Variants in GPR143 observed in about 807,000 individuals in gnomAD.
GPR143 encodes G-protein coupled receptor 143.
GPR143 carries 8 observed loss-of-function variants against 27.6 expected under a neutral mutation model. That is an observed-to-expected ratio of 0.29 (90% CI 0.17 to 0.52). GPR143 has a LOEUF of 0.52. Among genes scored for constraint, GPR143 ranks in the 20% least tolerant of loss-of-function variants. The pLI is 0.96. For synonymous variants in GPR143, 156 were observed against 153.2 expected, an observed-to-expected ratio of 1.02 and a Z score of -0.13; for missense variants, 303 against 343.1, an observed-to-expected ratio of 0.88 and a Z score of 0.92.
In GPR143 at chrX:9,731,325, T is replaced by G. The variant is rs1340890936; in HGVS notation, c.1121-5485A>C. On this transcript the variant is annotated intron_variant, in intron 8 of 8. Transcript: ENST00000467482. Reference sequence around the variant, plus strand: ...CAGAGGTTGCAGTGAGCTGAAATCATGCTACTGCACTCCAGCCTGGGCAAC... The same window carrying G: ...CAGAGGTTGCAGTGAGCTGAAATCAGGCTACTGCACTCCAGCCTGGGCAAC... 3.7e-5 allele frequency among the ~76,000 whole-genome samples: 4 copies of G among 108,526 alleles called. No individual in the cohort carries two copies. In the East Asian group the frequency reaches 1.1e-3, roughly 31 times the overall value. The allele number at this position is 108,526 out of a possible 115,157, so 94.2% of individuals were successfully genotyped here. A position where few individuals can be genotyped will look rare whatever the true frequency, so the allele number is the denominator to read the frequency against.
chrX:9,725,980 CAAAAAAAAAAAAAA>C lies in GPR143; in HGVS notation c.1121-154_1121-141del, dbSNP rs35066814. Reference sequence around the variant, plus strand: ...AAAGTCCTAGCATTCATCTCATCTGCAAAAAAAAAAAAAAAAAAAAAAAAAGGTGGGAGGGGTGG... The same window carrying C: ...AAAGTCCTAGCATTCATCTCATCTGCAAAAAAAAAAAGGTGGGAGGGGTGG... On this transcript the variant is annotated intron_variant, in intron 8 of 8. Coordinates refer to ENST00000467482, the MANE Select transcript of GPR143 (RefSeq NM_000273.3). The C allele has an allele frequency of 3.1e-5, 11 of 355,027 alleles. 2 individuals are homozygous for C. In the African/African-American group the frequency reaches 3.7e-4, roughly 12 times the overall value. The allele number at this position is 355,027 out of a possible 1,213,427, so 29.3% of individuals were successfully genotyped here.
chrX:9,746,205 A>C, intron 4 of GPR143, 52 bp from the exon 5 acceptor site: 1 of 714,439 alleles, frequency 1.4e-6, no homozygotes, highest in African/African-American at 2.1e-5. Context: ...TTTTGGCTAA[A>C]AGACATCTAC....
chrX:9,730,042 A>G (rs1040115599), intron 8 of GPR143, among the ~76,000 whole-genome samples: 1 of 112,723 alleles, frequency 8.9e-6, no homozygotes, highest in African/African-American at 3.2e-5. Context: ...GTGCAGTAAC[A>G]TGCTTTACAG....
chrX:9,725,896 C>G, intron 8 of GPR143, 56 bp from the exon 9 acceptor site: 1 of 1,116,126 alleles, frequency 9.0e-7, no homozygotes, highest in Non-Finnish European at 1.2e-6. Context: ...GGTTTGTCAT[C>G]AGCTTCAGAA....
intron 1 of GPR143, among the ~76,000 whole-genome samples, chrX:9,765,218 G>T (rs2083524457): frequency 9.0e-6 from 1 of 111,403 alleles, no homozygotes; most frequent in Non-Finnish European, 1.9e-5. Flanking sequence ...CCTCACCCGG[G>T]CATCGATCCG....
rs752477509 is a variant in GPR143, at chrX:9,771,709, C to CTTTTTTT, written c.-2-10884_-2-10883insAAAAAAA. 2.4e-4 allele frequency among the ~76,000 whole-genome samples: 22 copies of CTTTTTTT among 92,807 alleles called. 4 individuals carry two copies. Among genetic ancestry groups the CTTTTTTT allele is most frequent in the East Asian group, 3.4e-4 (1 of 2,981 alleles). The allele number at this position is 92,807 out of a possible 115,157, so 80.6% of individuals were successfully genotyped here. A position where few individuals can be genotyped will look rare whatever the true frequency, so the allele number is the denominator to read the frequency against. On this transcript the variant is annotated intron_variant, in intron 1 of 7. Coordinates refer to the GPR143 transcript ENST00000447366. ...CCAACTAAGCCATGGAGCATTCTCTCTCTTTTTTTTTTTTTTTTGGATGGA... is the reference window on the plus strand; with the variant it reads ...CCAACTAAGCCATGGAGCATTCTCTCTTTTTTTTCTTTTTTTTTTTTTTTTGGATGGA...
At chrX:9,730,433 T>TTGA (rs58605612) in intron 8 of GPR143, among the ~76,000 whole-genome samples, 19,231 of 96,497 alleles carry the variant, frequency 0.2, 2,949 homozygotes, top group East Asian at 0.45. Context: ...GCAACTACAG[T>TTGA]TGATGAAGAC....
At chrX:9,763,201 G>A (rs1327218118) in intron 1 of GPR143, among the ~76,000 whole-genome samples, 1 of 110,659 alleles carries the variant, frequency 9.0e-6, no homozygotes. Flanking sequence ...AGCCTCCTGA[G>A]TAGTTAGGAT....
intron 1 of GPR143, among the ~76,000 whole-genome samples, chrX:9,764,080 C>A (rs1475078153): frequency 1.8e-5 from 2 of 111,688 alleles, no homozygotes; most frequent in Admixed American, 9.5e-5. Context: ...GGGTGGTGAT[C>A]TTTTAATTAA....
intron 5 of GPR143, 23 bp from the exon 6 acceptor site, chrX:9,743,696 T>A (rs1361784541): frequency 1.2e-6 from 1 of 866,445 alleles, no homozygotes; most frequent in Non-Finnish European, 1.7e-6. Context: ...GAAGGAACTA[T>A]GTATGGTGTT....
In GPR143 at chrX:9,765,804, C is replaced by A. The variant is rs1273163658; in HGVS notation, c.14G>T (p.Arg5Leu). The A allele has an allele frequency of 1.8e-6, 2 of 1,116,349 alleles. No individual in the cohort carries two copies. Among genetic ancestry groups the A allele is most frequent in the Non-Finnish European group, 1.2e-6 (1 of 852,761 alleles). 92.0% of individuals were successfully genotyped at this position (1,116,349 alleles called of 1,213,427 possible). A position where few individuals can be genotyped will look rare whatever the true frequency, so the allele number is the denominator to read the frequency against. Residue 5 changes from arginine (R) to leucine (L), a missense_variant, in exon 1 of 9, where the codon CGC becomes CTC. Transcript: ENST00000467482. The part of the protein sequence containing the change: MASP[R>L]LGTFCCPTRD... ...CGTGGGGCAGCAGAAGGTCCCTAGG[C>A]GCGGGGAGGCCATGGGCTGTGTTCG...
chrX:9,739,390 C>T lies in GPR143; in HGVS notation c.1120+95G>A, dbSNP rs375559249. The T allele has an allele frequency of 8.1e-5, 48 of 594,842 alleles. No homozygotes were observed. The East Asian group carries it at 1.5e-3, about 19-fold the overall frequency. The allele number at this position is 594,842 out of a possible 1,213,427, so 49.0% of individuals were successfully genotyped here. A position where few individuals can be genotyped will look rare whatever the true frequency, so the allele number is the denominator to read the frequency against. On this transcript the variant is annotated intron_variant, in intron 8 of 8. Transcript: ENST00000467482. ...AGGTGCTGCTGAACACCCCGCCATGCACAGGACAGCCCCCGGGACAAAGAA... is the reference window on the plus strand; with the variant it reads ...AGGTGCTGCTGAACACCCCGCCATGTACAGGACAGCCCCCGGGACAAAGAA...
At chrX:9,769,173 T>C (rs2083545137), upstream of GPR143, among the ~76,000 whole-genome samples, 1 of 111,727 alleles carries the variant, frequency 9.0e-6, no homozygotes, top group South Asian at 3.8e-4. Context: ...GTACATCTGT[T>C]TTTGCATGAA....
chrX:9,764,721 A>G (rs951913407), intron 1 of GPR143, among the ~76,000 whole-genome samples: 3 of 111,468 alleles, frequency 2.7e-5, no homozygotes, highest in Non-Finnish European at 5.7e-5. Context: ...TTTACCGACC[A>G]TGTGTTTGCA....
At chrX:9,728,639 T>TA (rs57462205) in intron 8 of GPR143, among the ~76,000 whole-genome samples, 361 of 19,225 alleles carry the variant, frequency 0.019, 25 homozygotes, top group Non-Finnish European at 0.032. Context: ...CCCTATCTCT[T>TA]AAAAAAAAAA....
At chrX:9,748,474 A>G (rs962455524) in intron 4 of GPR143, 100 bp downstream of exon 4, 1 of 585,534 alleles carries the variant, frequency 1.7e-6, no homozygotes, top group African/African-American at 2.2e-5. Context: ...CCTAACCTCC[A>G]AGGCACCCAC....
intron 2 of GPR143, 73 bp downstream of exon 2, chrX:9,760,644 C>T: frequency 1.7e-6 from 1 of 580,516 alleles, no homozygotes; most frequent in Non-Finnish European, 3.0e-6. Context: ...TAACAGACTC[C>T]CAGGGTTTGC....
At chrX:9,761,184 C>A (rs1453576210) in intron 1 of GPR143, among the ~76,000 whole-genome samples, 1 of 111,352 alleles carries the variant, frequency 9.0e-6, no homozygotes, top group Non-Finnish European at 1.9e-5. Context: ...AATTCCGCCT[C>A]CCAGGTTTAA....
At chrX:9,726,831 G>A (rs6640489) in intron 8 of GPR143, among the ~76,000 whole-genome samples, 40,865 of 111,498 alleles carry the variant, frequency 0.37, 7,932 homozygotes, top group African/African-American at 0.74. Flanking sequence ...TTCTTTATTT[G>A]TTAATCAATC....
Sources: allele counts gnomAD v4.1 joint callset (sites outside exome capture counted in the v4.1 genomes callset), GRCh38; gene constraint gnomAD v4.1.1; transcripts MANE v1.5; gene names NCBI Gene and HGNC (gene_info 2026-07-23, HGNC 2026-07-21).